Variants in SEPTIN9 observed in about 807,000 individuals in gnomAD.
SEPTIN9 encodes septin 9, also known as septin-9.
SEPTIN9 carries 13 observed loss-of-function variants against 56.6 expected under a neutral mutation model. The ratio of observed to expected loss-of-function variants is 0.23; its 90% confidence interval spans 0.15 to 0.37. The LOEUF is 0.37. SEPTIN9 is among the 10% of genes least tolerant of loss of function. The pLI, the probability that SEPTIN9 is intolerant of heterozygous loss-of-function variation, is 1.00. For missense variants in SEPTIN9, 650 were observed against 823.1 expected, an observed-to-expected ratio of 0.79 and a Z score of 2.57; for synonymous variants, 332 against 334.1, an observed-to-expected ratio of 0.99 and a Z score of 0.07.
At chr17:77,468,398 G>A (rs916076495) in intron 3 of SEPTIN9, among the ~76,000 whole-genome samples, 2 of 152,222 alleles carry the variant, frequency 1.3e-5, no homozygotes, top group Non-Finnish European at 2.9e-5. Flanking sequence ...ACCTCTGTGG[G>A]TAGCCTTGTT....
At position 77,313,966 on chromosome 17, in the gene SEPTIN9, G is replaced by A. The variant is rs1428260095; in HGVS notation, c.76+6769G>A. 6.6e-6 allele frequency among the ~76,000 whole-genome samples: 1 copy of A among 152,042 alleles called. No individual in the cohort carries two copies. The highest frequency in any genetic ancestry group is 1.5e-5 in the Non-Finnish European group (1 of 67,990). On this transcript the variant is annotated intron_variant, in intron 2 of 11. Coordinates refer to ENST00000427177, the MANE Select transcript of SEPTIN9 (RefSeq NM_001113491.2). The surrounding 1 kb of genome is among the most constrained non-coding windows in gnomAD (Gnocchi z 4.5). The stretch of plus-strand genomic sequence containing the variant: ...CTGTAATCCCAGTACTTTTGGAGCC[G>A]AGGTGGGAGGATCACTTGAGCTCAG...
At chr17:77,334,590 T>C (rs1232757724) in intron 2 of SEPTIN9, among the ~76,000 whole-genome samples, 1 of 152,096 alleles carries the variant, frequency 6.6e-6, no homozygotes, top group African/African-American at 2.4e-5. Flanking sequence ...TTTCATAAAG[T>C]CCAATTTATC....
rs1285884344 is a variant in SEPTIN9 at position 77,433,848 on chromosome 17, T to A, written c.721+31145T>A. On this transcript the variant is annotated intron_variant, in intron 3 of 11. Transcript: ENST00000427177. This position sits in a 1 kb window ranked among gnomAD's most constrained non-coding sequence, Gnocchi z 6.4. The stretch of plus-strand genomic sequence containing the variant: ...TGATGTTGCCTGTTCATTTTCCCTC[T>A]CTGCCCCTCCCGCTGGCCCTTCCCA... 3.9e-5 allele frequency among the ~76,000 whole-genome samples: 6 copies of A among 151,944 alleles called. No individual in the cohort carries two copies. The East Asian group carries it at 1.2e-3, about 29-fold the overall frequency.
rs2032580486 is a variant in SEPTIN9, at chr17:77,313,308, G to A, written c.76+6111G>A. On this transcript the variant is annotated intron_variant, in intron 2 of 11. Coordinates refer to ENST00000427177, the MANE Select transcript of SEPTIN9 (RefSeq NM_001113491.2). The surrounding 1 kb of genome is among the most constrained non-coding windows in gnomAD (Gnocchi z 4.5). ...GCACGAGCATGTGAGAGTGGAATTG[G>A]GCCCAACCGGGCTGCTTCTCCCCGT... Among the ~76,000 whole-genome samples, 2 of 152,202 alleles carry A rather than the reference G, an allele frequency of 1.3e-5. No homozygotes were observed. Among genetic ancestry groups the A allele is most frequent in the Non-Finnish European group, 2.9e-5 (2 of 68,028 alleles).
Position 77,330,251 on chromosome 17 carries a change from T to C in SEPTIN9, c.76+23054T>C, listed in dbSNP as rs2033297698. Among the ~76,000 whole-genome samples, 1 of 152,172 alleles carries C rather than the reference T, an allele frequency of 6.6e-6. No individual in the cohort carries two copies. Among genetic ancestry groups the C allele is most frequent in the East Asian group, 1.9e-4 (1 of 5,180 alleles). On this transcript the variant is annotated intron_variant, in intron 2 of 11. Coordinates refer to ENST00000427177, the MANE Select transcript of SEPTIN9 (RefSeq NM_001113491.2). This position sits in a 1 kb window ranked among gnomAD's most constrained non-coding sequence, Gnocchi z 4.4. ...CTCTTGGAGCACCTGCTGCTCCGGGTGCCTCTGGGGGCGGGCCCCCACCTC... is the reference window on the plus strand; with the variant it reads ...CTCTTGGAGCACCTGCTGCTCCGGGCGCCTCTGGGGGCGGGCCCCCACCTC...
At chr17:77,409,630 C>T (rs774306465) in intron 3 of SEPTIN9, among the ~76,000 whole-genome samples, 3 of 152,218 alleles carry the variant, frequency 2.0e-5, no homozygotes, top group Admixed American at 1.3e-4. Flanking sequence ...ACACATGGCA[C>T]TGGGTGAGGC....
At chr17:77,486,620 G>A (rs944242493) in intron 4 of SEPTIN9, among the ~76,000 whole-genome samples, 12 of 151,958 alleles carry the variant, frequency 7.9e-5, no homozygotes, top group Non-Finnish European at 2.9e-5. Flanking sequence ...TGAGTTGTGT[G>A]TGTGTTGTGA....
At chr17:77,304,055 G>C (rs543494937) in intron 1 of SEPTIN9, among the ~76,000 whole-genome samples, 2 of 152,254 alleles carry the variant, frequency 1.3e-5, no homozygotes, top group East Asian at 3.9e-4. Flanking sequence ...TTCTCAACTG[G>C]AGCCACGGAA....
Position 77,490,314 on chromosome 17 carries a change from C to T in SEPTIN9, c.1263-428C>T, listed in dbSNP as rs529749933. 5.3e-5 allele frequency among the ~76,000 whole-genome samples: 8 copies of T among 152,004 alleles called. No individual in the cohort carries two copies. In the South Asian group the frequency reaches 1.5e-3, roughly 28 times the overall value. ...CCAAGCAGGCAAGGGGAGCAGCCCG[C>T]CTGGTGCAGGGGAGCAGCCCGCCTG... is the stretch of plus-strand genomic sequence containing the variant. On this transcript the variant is annotated intron_variant, in intron 7 of 11. Coordinates refer to ENST00000427177, the MANE Select transcript of SEPTIN9 (RefSeq NM_001113491.2).
rs531594363 is a variant in SEPTIN9, at chr17:77,323,461, C to T, written c.76+16264C>T. Among the ~76,000 whole-genome samples, 2 of 152,264 alleles carry T rather than the reference C, an allele frequency of 1.3e-5. No individual in the cohort carries two copies. Among genetic ancestry groups the T allele is most frequent in the Admixed American group, 6.5e-5 (1 of 15,298 alleles). On this transcript the variant is annotated intron_variant, in intron 2 of 11. Transcript: ENST00000427177. The surrounding 1 kb of genome is among the most constrained non-coding windows in gnomAD (Gnocchi z 6.8). ...GGGCTGGGAGGCTAGGAACAGGCCA[C>T]GAGGGAGGGCTGCAGGCAGGGGAAG...
intron 3 of SEPTIN9, among the ~76,000 whole-genome samples, chr17:77,418,644 C>G (rs1229731864): frequency 6.6e-6 from 1 of 152,206 alleles, no homozygotes; most frequent in African/African-American, 2.4e-5. Flanking sequence ...CGCCCAGCCT[C>G]CAGCTCTGCC....
At chr17:77,485,001 AGGG>A (rs2039673773) in intron 4 of SEPTIN9, among the ~76,000 whole-genome samples, 2 of 1,138 alleles carry the variant, frequency 1.8e-3, no homozygotes. Flanking sequence ...ATGGTGGTGA[AGGG>A]GGTGATGGTG....
rs1055114183 is a variant in SEPTIN9, at chr17:77,319,486, G to A, written c.76+12289G>A. ...CTTCCAGGAAGTCCCCGTCCCGTTC[G>A]CCCTCTCTGCCTGGGCGGGGACGGC... is the stretch of plus-strand genomic sequence containing the variant. On this transcript the variant is annotated intron_variant, in intron 2 of 11. Transcript: ENST00000427177. This position sits in a 1 kb window ranked among gnomAD's most constrained non-coding sequence, Gnocchi z 5.3. The A allele has an allele frequency of 6.2e-6, 6 of 965,682 alleles. No homozygotes were observed. The highest frequency in any genetic ancestry group is 1.1e-4 in the Admixed American group (2 of 17,512). 59.8% of individuals were successfully genotyped at this position (965,682 alleles called of 1,614,324 possible).
intron 3 of SEPTIN9, among the ~76,000 whole-genome samples, chr17:77,479,438 TGCCTGCGGGCCA>T (rs1304649349): frequency 1.3e-5 from 2 of 152,212 alleles, no homozygotes; most frequent in East Asian, 3.9e-4. Context: ...CGTGCGTGCC[TGCCTGCGGGCCA>T]GCCGGGGCCT....
At chr17:77,354,782 G>A (rs898075509) in intron 2 of SEPTIN9, among the ~76,000 whole-genome samples, 4 of 152,032 alleles carry the variant, frequency 2.6e-5, no homozygotes, top group Admixed American at 6.6e-5. Flanking sequence ...AGTGGAGGGC[G>A]GTGCAATCGT....
chr17:77,357,305 G>T (rs1020515319), intron 2 of SEPTIN9, among the ~76,000 whole-genome samples: 6 of 152,122 alleles, frequency 3.9e-5, no homozygotes, highest in African/African-American at 9.7e-5. Context: ...GTGTTTTGGG[G>T]TCTGCTCCTG....
intron 1 of SEPTIN9, among the ~76,000 whole-genome samples, chr17:77,282,272 C>A (rs2031061474): frequency 6.6e-6 from 1 of 152,198 alleles, no homozygotes; most frequent in South Asian, 2.1e-4. Flanking sequence ...AAGAGAAATC[C>A]AGATCTTCAT....
chr17:77,291,775 G>A (rs1419394138), intron 1 of SEPTIN9, among the ~76,000 whole-genome samples: 1 of 152,152 alleles, frequency 6.6e-6, no homozygotes, highest in Non-Finnish European at 1.5e-5. Context: ...ACTGTGCCTG[G>A]CCTCCACTTG....
rs774231503 is a variant in SEPTIN9, at chr17:77,487,452, A to G, written c.942A>G (p.Leu314=). The change falls in exon 5 of 12, where the codon TTA becomes TTG. Residue 314 remains leucine (L), a synonymous_variant. Transcript: ENST00000427177. The surrounding 1 kb of genome is among the most constrained non-coding windows in gnomAD (Gnocchi z 4.3). The part of the protein sequence containing the change: ...VGQSGLGKST[L]INTLFKSKIS... ...AGAGCGGCTTGGGTAAATCCACCTT[A>G]ATCAACACCCTCTTCAAATCCAAAA... 23 of 1,606,966 alleles carry G rather than the reference A, an allele frequency of 1.4e-5. No homozygotes were observed. In the African/African-American group the frequency reaches 3.0e-4, roughly 21 times the overall value.
Sources: allele counts gnomAD v4.1 joint callset (sites outside exome capture counted in the v4.1 genomes callset), GRCh38; gene constraint gnomAD v4.1.1; non-coding constraint Gnocchi (gnomAD v3.1); transcripts MANE v1.5; gene names NCBI Gene and HGNC (gene_info 2026-07-23, HGNC 2026-07-21).